Variants in FAM20A observed in about 807,000 individuals in gnomAD.
FAM20A encodes the protein pseudokinase FAM20A.
A neutral mutation model predicts 52.0 loss-of-function variants in FAM20A; 42 were observed. The ratio of observed to expected loss-of-function variants is 0.81; its 90% CI spans 0.63 to 1.04. The LOEUF (loss-of-function observed/expected upper bound fraction) is 1.04. Among genes scored for constraint, FAM20A ranks in the 50% least tolerant of loss-of-function variants. The pLI, the probability that FAM20A is intolerant of heterozygous loss-of-function variation, is 0.00. For missense variants in FAM20A, 742 were observed against 712.7 expected, an observed-to-expected ratio of 1.04 and a Z score of -0.47; for synonymous variants, 304 against 298.9, an observed-to-expected ratio of 1.02 and a Z score of -0.18.
chr17:68,596,884 G>T (rs2088467444), intron 1 of FAM20A, among the ~76,000 whole-genome samples: 2 of 152,168 alleles, frequency 1.3e-5, no homozygotes, highest in Admixed American at 1.3e-4. Flanking sequence ...AAGAAAGGAA[G>T]GGAGGGAAGA....
intron 4 of FAM20A, among the ~76,000 whole-genome samples, chr17:68,547,832 T>G (rs12942149): frequency 3.5e-4 from 53 of 152,130 alleles, no homozygotes; most frequent in Non-Finnish European, 5.6e-4. Context: ...TCAAGAACTT[T>G]TCCTTTGCAT....
chr17:68,553,720 C>T (rs2086941878), intron 3 of FAM20A, among the ~76,000 whole-genome samples: 3 of 151,400 alleles, frequency 2.0e-5, no homozygotes, highest in Admixed American at 2.0e-4. Context: ...TAAAGCTCCC[C>T]CAGTGATTCT....
chr17:68,577,524 C>T (rs1360623942), intron 1 of FAM20A, among the ~76,000 whole-genome samples: 1 of 152,226 alleles, frequency 6.6e-6, no homozygotes, highest in Admixed American at 6.5e-5. Flanking sequence ...GTGCTGAGGG[C>T]TGTTGTAAAC....
rs958644195 is a variant in FAM20A, at chr17:68,547,646, T to C, written c.720-3925A>G. On this transcript the variant is annotated intron_variant, in intron 4 of 10. Transcript: ENST00000592554. ...TTTTCTTCTGCAGCTTTCTCACCTGTCTCAGCCTTCATTGAGGAGAGTTAG... is the reference window on the plus strand; with the variant it reads ...TTTTCTTCTGCAGCTTTCTCACCTGCCTCAGCCTTCATTGAGGAGAGTTAG... Among the ~76,000 whole-genome samples the C allele has an allele frequency of 4.6e-5, 7 of 152,368 alleles. No individual in the cohort carries two copies. In the East Asian group the frequency reaches 1.3e-3, roughly 29 times the overall value.
At position 68,572,770 on chromosome 17, in the gene FAM20A, T is replaced by C. The variant is rs189093675; in HGVS notation, c.405-17027A>G. ...TATTTATTTATTTTTGTTTTAAGAA[T>C]TGTTGACTGACTTCTTCCCACCGCT... On this transcript the variant is annotated intron_variant, in intron 1 of 10. Coordinates refer to ENST00000592554, the MANE Select transcript of FAM20A (RefSeq NM_017565.4). Among the ~76,000 whole-genome samples the C allele has an allele frequency of 7.5e-3, 1,140 of 152,330 alleles. 5 individuals are homozygous for C. The highest frequency in any genetic ancestry group is 0.012 in the Non-Finnish European group (823 of 68,032).
In FAM20A at chr17:68,600,403, C is replaced by T. The variant is rs1042759097; in HGVS notation, c.264G>A (p.Ser88=). The T allele has an allele frequency of 3.7e-6, 6 of 1,609,426 alleles. No homozygotes were observed. The highest frequency in any genetic ancestry group is 3.3e-5 in the South Asian group (3 of 90,310). The change falls in exon 1 of 11, where the codon TCG becomes TCA. Residue 88 remains serine, a synonymous_variant. Coordinates refer to ENST00000592554, the MANE Select transcript of FAM20A (RefSeq NM_017565.4). The surrounding 1 kb of genome is among the most constrained non-coding windows in gnomAD (Gnocchi z 6.2). ...CGAAGAGGGCCTGCAACTTGGAGCT[C>T]GACCCGCTGTGGCTGCCGCCAGCCG... ...TEPAGGSHSG[S]SSKLQALFAH... is the part of the protein sequence containing the mutation.
In FAM20A at chr17:68,552,042, C is replaced by T. The variant is rs1416311045; in HGVS notation, c.641-91G>A. ...CCTTCAATAAGCCCAGCTGACTTCG[C>T]TTTCCTCTTATGTAATGAGACCCTA... is the stretch of plus-strand genomic sequence containing the variant. On this transcript the variant is annotated intron_variant, in intron 3 of 10. Transcript: ENST00000592554. 9 of 813,242 alleles carry T rather than the reference C, an allele frequency of 1.1e-5. No individual in the cohort carries two copies. In the East Asian group the frequency reaches 1.6e-4, roughly 15 times the overall value. 50.4% of individuals were successfully genotyped at this position (813,242 alleles called of 1,614,324 possible). A position where few individuals can be genotyped will look rare whatever the true frequency, so the allele number is the denominator to read the frequency against.
Position 68,535,982 on chromosome 17 carries a change from A to G in FAM20A, c.*1495T>C. ...ATGCACATTGGAGGATGGGGGTTGT[A>G]TCTGTGTTTGAGAGGATTGGAAACC... On this transcript the variant is annotated 3_prime_UTR_variant, in exon 11 of 11. Coordinates refer to ENST00000592554, the MANE Select transcript of FAM20A (RefSeq NM_017565.4). 1 of 454,082 alleles carries G rather than the reference A, an allele frequency of 2.2e-6. No homozygotes were observed. Among genetic ancestry groups the G allele is most frequent in the Non-Finnish European group, 4.4e-6 (1 of 226,800 alleles). 28.1% of individuals were successfully genotyped at this position (454,082 alleles called of 1,614,324 possible). A position where few individuals can be genotyped will look rare whatever the true frequency, so the allele number is the denominator to read the frequency against.
chr17:68,547,304 G>A (rs2885731), intron 4 of FAM20A, among the ~76,000 whole-genome samples: 67,439 of 151,932 alleles, frequency 0.44, 15,832 homozygotes, highest in East Asian at 0.72. Context: ...TAAGTTCTAG[G>A]GTACATGTGC....
At chr17:68,547,603 C>T (rs999951419) in intron 4 of FAM20A, among the ~76,000 whole-genome samples, 14 of 152,228 alleles carry the variant, frequency 9.2e-5, no homozygotes, top group African/African-American at 2.9e-4. Flanking sequence ...GGTGAACTAA[C>T]CTCTGCTATC....
chr17:68,566,705 G>A (rs978679830), intron 1 of FAM20A, among the ~76,000 whole-genome samples: 2 of 152,162 alleles, frequency 1.3e-5, no homozygotes, highest in Non-Finnish European at 2.9e-5. Context: ...GTTTTTAGTT[G>A]CATTGGGACA....
intron 4 of FAM20A, among the ~76,000 whole-genome samples, chr17:68,550,127 T>C (rs1486479538): frequency 6.6e-6 from 1 of 152,034 alleles, no homozygotes; most frequent in Non-Finnish European, 1.5e-5. Flanking sequence ...TGATTTGACA[T>C]TCACCCCCAA....
At chr17:68,567,934 C>T (rs1244996377) in intron 1 of FAM20A, among the ~76,000 whole-genome samples, 11 of 152,070 alleles carry the variant, frequency 7.2e-5, no homozygotes, top group African/African-American at 2.2e-4. Flanking sequence ...CTTCACCTCC[C>T]GCCATGATTA....
intron 3 of FAM20A, among the ~76,000 whole-genome samples, chr17:68,554,291 C>T (rs1206433676): frequency 2.6e-5 from 4 of 152,034 alleles, no homozygotes; most frequent in African/African-American, 7.2e-5. Context: ...TTGGAAGAGA[C>T]GGGTTTTCAC....
At chr17:68,584,131 A>C (rs1447503927) in intron 1 of FAM20A, among the ~76,000 whole-genome samples, 1 of 151,858 alleles carries the variant, frequency 6.6e-6, no homozygotes, top group Admixed American at 6.6e-5. Context: ...AGCGTGACCA[A>C]CACGGTGAAA....
At chr17:68,548,362 T>A (rs898052587) in intron 4 of FAM20A, among the ~76,000 whole-genome samples, 1 of 152,130 alleles carries the variant, frequency 6.6e-6, no homozygotes, top group African/African-American at 2.4e-5. Context: ...AAACCCCGTC[T>A]CTACTAAAAA....
chr17:68,599,930 A>G (rs1463028963), intron 1 of FAM20A, among the ~76,000 whole-genome samples: 1 of 152,110 alleles, frequency 6.6e-6, no homozygotes, highest in East Asian at 1.9e-4. Context: ...GGGGTTTGGG[A>G]GCGGACGAGG....
intron 1 of FAM20A, among the ~76,000 whole-genome samples, chr17:68,558,767 T>G (rs2087127285): frequency 6.6e-6 from 1 of 152,174 alleles, no homozygotes; most frequent in African/African-American, 2.4e-5. Context: ...CCTTCCTTCC[T>G]TCCTTCTTTC....
intron 5 of FAM20A, among the ~76,000 whole-genome samples, chr17:68,543,155 G>T (rs1030480953): frequency 3.9e-5 from 6 of 152,138 alleles, no homozygotes; most frequent in Non-Finnish European, 8.8e-5. Context: ...CTGATTGAGT[G>T]GTTCTAGGGT....
Sources: gnomAD v4.1 joint callset for allele counts (sites outside exome capture counted in the v4.1 genomes callset) on GRCh38, gnomAD v4.1.1 for gene constraint, Gnocchi (gnomAD v3.1) non-coding constraint, MANE v1.5 for transcripts, NCBI Gene and HGNC (gene_info 2026-07-23, HGNC 2026-07-21) for gene names.